PRKAR1B: variants seen among roughly 807,000 people sequenced by gnomAD.
PRKAR1B encodes the protein cAMP-dependent protein kinase type I-beta regulatory subunit.
In PRKAR1B, 22 loss-of-function variants were observed where a neutral mutation model predicts 46.5. The observed-to-expected ratio is 0.47, with a 90% confidence interval of 0.34 to 0.68. The LOEUF (loss-of-function observed/expected upper bound fraction) is 0.68. PRKAR1B is among the 30% of genes least tolerant of loss of function. The pLI, the probability that PRKAR1B is intolerant of heterozygous loss-of-function variation, is 0.01. For synonymous variants in PRKAR1B, 259 were observed against 217.7 expected, an observed-to-expected ratio of 1.19 and a Z score of -1.67; for missense variants, 445 against 535.6, an observed-to-expected ratio of 0.83 and a Z score of 1.67.
chr7:582,880 C>G (rs1469846865), intron 8 of PRKAR1B, among the ~76,000 whole-genome samples: 1 of 152,270 alleles, frequency 6.6e-6, no homozygotes, highest in Non-Finnish European at 1.5e-5. Context: ...ATGTCCCCCT[C>G]TCGGCCCCTA....
intron 9 of PRKAR1B, among the ~76,000 whole-genome samples, chr7:568,575 G>C (rs531166258): frequency 1.3e-5 from 2 of 152,356 alleles, no homozygotes; most frequent in Admixed American, 1.3e-4. Context: ...GGGAGGAGGG[G>C]AGCAGACCAC....
intron 6 of PRKAR1B, among the ~76,000 whole-genome samples, chr7:601,888 G>A (rs554781971): frequency 3.9e-5 from 6 of 152,164 alleles, no homozygotes; most frequent in African/African-American, 9.7e-5. Context: ...GACCCGGGGG[G>A]GCTGGGGAGG....
intron 1 of PRKAR1B, chr7:726,628 C>A (rs1156932417): frequency 7.8e-6 from 8 of 1,025,494 alleles, no homozygotes; most frequent in Non-Finnish European, 1.0e-5. Flanking sequence ...TAGCCCGGCG[C>A]CCCGCCCGCA....
At chr7:697,795 G>A (rs548727358) in intron 2 of PRKAR1B, among the ~76,000 whole-genome samples, 9 of 150,930 alleles carry the variant, frequency 6.0e-5, no homozygotes, top group African/African-American at 1.2e-4. Flanking sequence ...GAAGAGAAAC[G>A]CAGGTCTTCA....
At position 550,220 on chromosome 7, in the gene PRKAR1B, T is replaced by G; in HGVS notation, c.*210A>C. 1 of 573,844 alleles carries G rather than the reference T, an allele frequency of 1.7e-6. No homozygotes were observed. Among genetic ancestry groups the G allele is most frequent in the South Asian group, 2.0e-5 (1 of 49,420 alleles). The allele number at this position is 573,844 out of a possible 1,614,324, so 35.5% of individuals were successfully genotyped here. ...GCCTGTCCCTTCCTTGATCTTGGGA[T>G]GCATTTTGTCCGCTTGTCCTTTGAT... On this transcript the variant is annotated 3_prime_UTR_variant, in exon 11 of 11. Transcript: ENST00000537384.
At chr7:681,749 C>A (rs912644251) in intron 2 of PRKAR1B, among the ~76,000 whole-genome samples, 1 of 152,222 alleles carries the variant, frequency 6.6e-6, no homozygotes, top group African/African-American at 2.4e-5. Context: ...CAGACAAGTG[C>A]TTCGACCACT....
At chr7:711,301 G>A (rs1350931457) in intron 2 of PRKAR1B, 28 bp downstream of exon 2, 1 of 1,612,960 alleles carries the variant, frequency 6.2e-7, no homozygotes, top group Admixed American at 1.7e-5. Flanking sequence ...CGTGCGAAGG[G>A]AAGCAGCGGG....
chr7:621,272 G>T (rs577089267), intron 4 of PRKAR1B, among the ~76,000 whole-genome samples: 74 of 152,324 alleles, frequency 4.9e-4, no homozygotes, highest in African/African-American at 1.7e-3. Flanking sequence ...GGGAGGAAAG[G>T]TCTTTGGTTA....
At chr7:567,425 C>T (rs1779221874) in intron 9 of PRKAR1B, among the ~76,000 whole-genome samples, 1 of 146,612 alleles carries the variant, frequency 6.8e-6, no homozygotes, top group African/African-American at 2.5e-5. Flanking sequence ...TCATCACCAT[C>T]ATCACCATCA....
At position 550,051 on chromosome 7, in the gene PRKAR1B, G is replaced by T. The variant is rs1784080940; in HGVS notation, c.*379C>A. ...AATCTGGGGGACCTGACCTCACAGG[G>T]TCACCAGGCCCCAGGGGCAACGTCC... On this transcript the variant is annotated 3_prime_UTR_variant, in exon 11 of 11. Transcript: ENST00000537384. 1 of 216,986 alleles carries T rather than the reference G, an allele frequency of 4.6e-6. No individual in the cohort carries two copies. Among genetic ancestry groups the T allele is most frequent in the Non-Finnish European group, 9.2e-6 (1 of 108,268 alleles). The allele number at this position is 216,986 out of a possible 1,614,324, so 13.4% of individuals were successfully genotyped here.
At chr7:592,890 G>A (rs1332345268) in intron 7 of PRKAR1B, among the ~76,000 whole-genome samples, 1 of 152,094 alleles carries the variant, frequency 6.6e-6, no homozygotes, top group Non-Finnish European at 1.5e-5. Context: ...TTTTTAATTA[G>A]TCAGGCGCGG....
chr7:606,325 C>T (rs1782049498), intron 5 of PRKAR1B, 86 bp from the exon 6 acceptor site: 2 of 1,281,144 alleles, frequency 1.6e-6, no homozygotes, highest in African/African-American at 1.5e-5. Context: ...TTTCGCAACA[C>T]TGTTGCAGAG....
At chr7:711,229 A>G in intron 2 of PRKAR1B, 100 bp downstream of exon 2, 2 of 1,489,456 alleles carry the variant, frequency 1.3e-6, no homozygotes, top group South Asian at 2.5e-5. Flanking sequence ...TGGGGCACCC[A>G]GCCTTCGAGG....
chr7:701,694 G>A (rs1219996400), intron 2 of PRKAR1B, among the ~76,000 whole-genome samples: 2 of 152,148 alleles, frequency 1.3e-5, no homozygotes, highest in African/African-American at 4.8e-5. Flanking sequence ...AAACCATAAA[G>A]AACAATGGGA....
intron 1 of PRKAR1B, among the ~76,000 whole-genome samples, chr7:720,711 C>A (rs1489605231): frequency 6.6e-6 from 1 of 152,184 alleles, no homozygotes; most frequent in Non-Finnish European, 1.5e-5. Flanking sequence ...CCAGTGGGTT[C>A]TTTTATCATT....
chr7:716,106 G>A (rs1196828970), intron 1 of PRKAR1B, among the ~76,000 whole-genome samples: 5 of 151,832 alleles, frequency 3.3e-5, no homozygotes, highest in African/African-American at 7.3e-5. Context: ...GGAGTGCAGT[G>A]GTGTGATCAT....
At chr7:680,456 C>G (rs561688568) in intron 3 of PRKAR1B, 100 bp downstream of exon 3, 9 of 1,213,262 alleles carry the variant, frequency 7.4e-6, no homozygotes, top group African/African-American at 6.2e-5. Context: ...ACTGAGACCC[C>G]CAGGAGGATG....
At chr7:723,953 C>A (rs1781162430) in intron 1 of PRKAR1B, among the ~76,000 whole-genome samples, 2 of 152,222 alleles carry the variant, frequency 1.3e-5, no homozygotes, top group South Asian at 4.1e-4. Flanking sequence ...ATACTGCATT[C>A]TCCCTGTATG....
chr7:630,377 G>A (rs562331137), intron 4 of PRKAR1B, among the ~76,000 whole-genome samples: 3 of 152,310 alleles, frequency 2.0e-5, no homozygotes, highest in Admixed American at 1.3e-4. Context: ...CCCAAACTGC[G>A]CCTGTGCTGG....
Sources: allele counts gnomAD v4.1 joint callset (sites outside exome capture counted in the v4.1 genomes callset), GRCh38; gene constraint gnomAD v4.1.1; transcripts MANE v1.5; gene names NCBI Gene and HGNC (gene_info 2026-07-23, HGNC 2026-07-21).